CPEB3: variants seen among roughly 807,000 people sequenced by gnomAD.
CPEB3 encodes cytoplasmic polyadenylation element-binding protein 3.
CPEB3 carries 20 observed loss-of-function variants against 67.2 expected under a neutral mutation model. The observed-to-expected ratio is 0.30, with a 90% CI of 0.21 to 0.43. CPEB3 has a LOEUF of 0.43. Among genes scored for constraint, CPEB3 ranks in the 20% least tolerant of loss-of-function variants. The pLI is 1.00. For synonymous variants in CPEB3, 376 were observed against 393.1 expected (o/e 0.96, Z 0.51); for missense variants, 746 against 968.6 (o/e 0.77, Z 3.05).
At chr10:92,087,468 G>T (rs527917721) in intron 8 of CPEB3, among the ~76,000 whole-genome samples, 28 of 152,292 alleles carry the variant, frequency 1.8e-4, no homozygotes, top group South Asian at 6.2e-4. Flanking sequence ...AGGGCCTAAG[G>T]AAGTCATGAA....
intron 7 of CPEB3, among the ~76,000 whole-genome samples, chr10:92,095,326 G>A (rs1052473263): frequency 3.9e-5 from 6 of 152,106 alleles, no homozygotes; most frequent in African/African-American, 1.4e-4. Context: ...GTTGCTCAGA[G>A]CTGTCACCTC....
intron 2 of CPEB3, among the ~76,000 whole-genome samples, chr10:92,194,936 A>C (rs911978135): frequency 6.6e-6 from 1 of 151,820 alleles, no homozygotes; most frequent in African/African-American, 2.4e-5. Flanking sequence ...CCCAACTACT[A>C]GGGAGGCTAA....
chr10:92,194,620 T>G (rs1007993908), intron 2 of CPEB3, among the ~76,000 whole-genome samples: 4 of 152,054 alleles, frequency 2.6e-5, no homozygotes, highest in Admixed American at 6.5e-5. Context: ...AAACTAGAAC[T>G]CTAACACAAA....
At chr10:92,192,764 C>T in intron 2 of CPEB3, 128 bp from the exon 3 acceptor site, 1 of 584,848 alleles carries the variant, frequency 1.7e-6, no homozygotes, top group South Asian at 3.5e-5. Context: ...AGCATACAGT[C>T]CTTCTTTTTA....
chr10:92,177,642 C>T (rs944582334), intron 4 of CPEB3, among the ~76,000 whole-genome samples: 16 of 152,168 alleles, frequency 1.1e-4, no homozygotes, highest in Non-Finnish European at 7.3e-5. Flanking sequence ...GGTATCCTAT[C>T]TTTGTCTTCT....
chr10:92,050,645 G>C lies in CPEB3; in HGVS notation c.*1567C>G, dbSNP rs546568929. 1.3e-5 allele frequency: 2 copies of C among 152,272 alleles called. No homozygotes were observed. Among genetic ancestry groups the C allele is most frequent in the Non-Finnish European group, 2.9e-5 (2 of 68,040 alleles). The allele number at this position is 152,272 out of a possible 1,614,324, so 9.4% of individuals were successfully genotyped here. A position where few individuals can be genotyped will look rare whatever the true frequency, so the allele number is the denominator to read the frequency against. On this transcript the variant is annotated 3_prime_UTR_variant, in exon 10 of 10. Transcript: ENST00000265997. ...GCCTTCATTCTACTCAAGCTTAACA[G>C]GATAAATCCAGGGAATTAAGTAGTT...
At chr10:92,204,957 A>T (rs1034562444) in intron 2 of CPEB3, among the ~76,000 whole-genome samples, 1 of 149,038 alleles carries the variant, frequency 6.7e-6, no homozygotes, top group Non-Finnish European at 1.5e-5. Context: ...TCTTTGCCTC[A>T]GCCTCCCGAG....
At chr10:92,123,231 A>G (rs1845469736) in intron 6 of CPEB3, among the ~76,000 whole-genome samples, 2 of 152,172 alleles carry the variant, frequency 1.3e-5, no homozygotes, top group Non-Finnish European at 2.9e-5. Flanking sequence ...CTATATAAAG[A>G]GGTCCTTGTG....
At chr10:92,280,753 CTTTTTTT>C (rs948586177) in intron 1 of CPEB3, among the ~76,000 whole-genome samples, 3 of 91,668 alleles carry the variant, frequency 3.3e-5, no homozygotes, top group East Asian at 3.7e-4. Flanking sequence ...AGCATCTATT[CTTTTTTT>C]TTTTTTTTTT....
chr10:92,117,077 T>C (rs1590175096), intron 6 of CPEB3, among the ~76,000 whole-genome samples: 1 of 152,156 alleles, frequency 6.6e-6, no homozygotes, highest in Non-Finnish European at 1.5e-5. Context: ...CAGGCTGGAG[T>C]GCAGTGGTGC....
At chr10:92,158,876 T>G (rs1048260720) in intron 4 of CPEB3, among the ~76,000 whole-genome samples, 1 of 152,216 alleles carries the variant, frequency 6.6e-6, no homozygotes, top group Non-Finnish European at 1.5e-5. Context: ...AAAGATCCTG[T>G]CAAGCGGAAT....
At chr10:92,088,059 C>T (rs557807737) in intron 8 of CPEB3, among the ~76,000 whole-genome samples, 39 of 152,056 alleles carry the variant, frequency 2.6e-4, no homozygotes, top group Admixed American at 2.2e-3. Context: ...CTATTGTCAC[C>T]GATGGGAATG....
At chr10:92,229,521 T>C (rs1206309802) in intron 2 of CPEB3, among the ~76,000 whole-genome samples, 1 of 152,222 alleles carries the variant, frequency 6.6e-6, no homozygotes, top group South Asian at 2.1e-4. Context: ...TCTTAAGATA[T>C]AAGCTAGTGT....
chr10:92,064,228 A>C (rs1454841739), intron 9 of CPEB3, among the ~76,000 whole-genome samples: 1 of 152,148 alleles, frequency 6.6e-6, no homozygotes, highest in Non-Finnish European at 1.5e-5. Flanking sequence ...TATCAGAGGA[A>C]AGAGATAATG....
chr10:92,226,632 T>A (rs1208077512), intron 2 of CPEB3, among the ~76,000 whole-genome samples: 1 of 152,194 alleles, frequency 6.6e-6, no homozygotes. Context: ...TACATTCTAC[T>A]GTGGAAGAAC....
chr10:92,187,012 C>G (rs894734230), intron 3 of CPEB3, among the ~76,000 whole-genome samples: 1 of 152,008 alleles, frequency 6.6e-6, no homozygotes, highest in Non-Finnish European at 1.5e-5. Flanking sequence ...AATAAAGAGA[C>G]AGTATATTTT....
chr10:92,283,948 G>A (rs961617372), intron 1 of CPEB3, among the ~76,000 whole-genome samples: 10 of 150,096 alleles, frequency 6.7e-5, no homozygotes, highest in Admixed American at 4.6e-4. Flanking sequence ...GGGTGGTCGC[G>A]AACTCCTGAC....
At chr10:92,118,508 C>T (rs189236442) in intron 6 of CPEB3, among the ~76,000 whole-genome samples, 2 of 152,160 alleles carry the variant, frequency 1.3e-5, no homozygotes, top group African/African-American at 4.8e-5. Flanking sequence ...GATATAATTG[C>T]TACAAAGCCC....
In CPEB3 at chr10:92,111,108, A is replaced by C. The variant is rs1844718416; in HGVS notation, c.1540T>G (p.Cys514Gly). The part of the protein sequence containing the change: ...CLEEDGKLYL[C>G]VSSPTIKDKP... ...TCCTTGATGGTGGGGCTTGACACAC[A>C]CAGGTAGAGTTTCCCATCTTCTTCT... The change falls in exon 7 of 10, where the codon TGT becomes GGT. Residue 514 changes from cysteine to glycine, a missense_variant. This residue lies in a region of CPEB3 where 643 missense variants were observed against 717.5 expected (regional missense o/e 0.90). Transcript: ENST00000265997. 1.9e-6 allele frequency: 3 copies of C among 1,614,032 alleles called. No homozygotes were observed. The highest frequency in any genetic ancestry group is 2.5e-6 in the Non-Finnish European group (3 of 1,179,874).
Sources: gnomAD v4.1 joint callset for allele counts (sites outside exome capture counted in the v4.1 genomes callset) on GRCh38, gnomAD v4.1.1 for gene constraint, gnomAD v4.1.1 regional missense constraint, MANE v1.5 for transcripts, NCBI Gene and HGNC (gene_info 2026-07-23, HGNC 2026-07-21) for gene names.